Variants in PHF8 observed in about 807,000 individuals in gnomAD.
The protein encoded by PHF8 is PHD finger protein 8.
Under a neutral mutation model 74.4 loss-of-function variants are expected in PHF8, and 9 were observed. The ratio of observed to expected loss-of-function variants is 0.12; its 90% CI spans 0.07 to 0.21. The LOEUF is 0.21. Among genes scored for constraint, PHF8 ranks in the 10% least tolerant of loss-of-function variants. The pLI, the probability that PHF8 is intolerant of heterozygous loss-of-function variation, is 1.00. For synonymous variants in PHF8, 311 were observed against 316.6 expected (o/e 0.98, Z 0.19); for missense variants, 478 against 816.6 (o/e 0.59, Z 5.05).
intron 18 of PHF8, among the ~76,000 whole-genome samples, chrX:53,977,054 G>A (rs1046915062): frequency 9.8e-5 from 11 of 112,521 alleles, no homozygotes; most frequent in Non-Finnish European, 1.9e-5. Context: ...ATAAATCCAG[G>A]CTGGGTGTGG....
chrX:53,951,940 T>C (rs1386146650), intron 19 of PHF8, among the ~76,000 whole-genome samples: 1 of 111,341 alleles, frequency 9.0e-6, no homozygotes, highest in Non-Finnish European at 1.9e-5. Context: ...AATCAAGATA[T>C]TCCTAGATAA....
chrX:53,943,915 T>G (rs1034382091), intron 20 of PHF8, among the ~76,000 whole-genome samples: 1 of 112,122 alleles, frequency 8.9e-6, no homozygotes, highest in Admixed American at 9.5e-5. Context: ...TCTTTCATCC[T>G]GAATCATGTC....
intron 2 of PHF8, among the ~76,000 whole-genome samples, chrX:54,033,706 T>A (rs782322003): frequency 9.3e-6 from 1 of 107,975 alleles, no homozygotes; most frequent in Admixed American, 1.0e-4. Context: ...AGAGTGAAAC[T>A]CCATCTCAGA....
chrX:54,002,567 A>G (rs1557104424), intron 9 of PHF8, 28 bp downstream of exon 9: 1 of 1,007,256 alleles, frequency 9.9e-7, no homozygotes, highest in Non-Finnish European at 1.4e-6. Flanking sequence ...AATGGCCAAC[A>G]TAGAATCACC....
chrX:53,943,401 A>C (rs1557084136), intron 20 of PHF8: 5 of 1,009,399 alleles, frequency 5.0e-6, no homozygotes, highest in Non-Finnish European at 6.7e-6. Flanking sequence ...CATTTTCTTC[A>C]CCTATAAAAT....
At chrX:53,960,217 A>C (rs922876821) in intron 19 of PHF8, among the ~76,000 whole-genome samples, 4 of 107,368 alleles carry the variant, frequency 3.7e-5, no homozygotes, top group Non-Finnish European at 7.7e-5. Context: ...CTGGGACTAC[A>C]GGCGCCTGCC....
rs956152263 is a variant in PHF8, at chrX:54,043,808, A to G, written c.-139T>C. On this transcript the variant is annotated 5_prime_UTR_variant, in exon 1 of 22. Coordinates refer to ENST00000338154, the MANE Select transcript of PHF8 (RefSeq NM_015107.3). ...ACTGACAGGAACCTCCTCACGCCCCAAACCTGACAAGAACGTCTTCAGTCC... is the reference window on the plus strand; with the variant it reads ...ACTGACAGGAACCTCCTCACGCCCCGAACCTGACAAGAACGTCTTCAGTCC... 1.3e-5 allele frequency: 10 copies of G among 752,357 alleles called. No homozygotes were observed. The African/African-American group carries it at 2.3e-4, about 17-fold the overall frequency. 62.0% of individuals were successfully genotyped at this position (752,357 alleles called of 1,213,427 possible).
chrX:53,957,239 C>T (rs1471801498), intron 19 of PHF8, among the ~76,000 whole-genome samples: 3 of 109,735 alleles, frequency 2.7e-5, no homozygotes, highest in African/African-American at 9.9e-5. Flanking sequence ...GCCTGTAGTC[C>T]CAGCTACTCA....
At chrX:54,002,721 C>G (rs1557104475) in intron 8 of PHF8, 39 bp from the exon 9 acceptor site, 1 of 903,652 alleles carries the variant, frequency 1.1e-6, no homozygotes. Flanking sequence ...TGGAAGAGGG[C>G]CTTTCTTCCT....
intron 19 of PHF8, among the ~76,000 whole-genome samples, chrX:53,959,863 C>CA (rs782111007): frequency 0.096 from 2,059 of 21,469 alleles, 52 homozygotes; most frequent in Non-Finnish European, 0.11. Flanking sequence ...GTTTCTGCCT[C>CA]AAAAAAAAAA....
intron 18 of PHF8, among the ~76,000 whole-genome samples, chrX:53,977,424 G>A (rs1053825284): frequency 2.7e-5 from 3 of 112,002 alleles, no homozygotes; most frequent in Non-Finnish European, 5.6e-5. Flanking sequence ...TCTGTTTAAT[G>A]ACACTTCAAA....
At position 53,987,155 on chromosome X, in the gene PHF8, G is replaced by A. The variant is rs782204549; in HGVS notation, c.1918C>T (p.Arg640Trp). The A allele has an allele frequency of 1.0e-5, 12 of 1,178,937 alleles. No individual in the cohort carries two copies. Among genetic ancestry groups the A allele is most frequent in the Non-Finnish European group, 1.4e-5 (12 of 866,186 alleles). The change falls in exon 16 of 22, where the codon CGG (arginine) becomes TGG (tryptophan). Residue 640 changes from arginine to tryptophan, a missense_variant. Arg to Trp is a moderately radical substitution (Grantham distance 101, BLOSUM62 -3). Around this residue, in one of 9 missense-constraint regions of PHF8, gnomAD observed 45 missense variants for 94.4 expected, o/e 0.48. Transcript: ENST00000338154. ...CAAGGCTTCGCACGGGGCAATTTCC[G>A]GGGAAATTCTAGAAAACAATGGAAT... ...ATLIIRPKFP[R>W]KLPRAKPCSD...
intron 14 of PHF8, among the ~76,000 whole-genome samples, chrX:53,991,676 A>C (rs1256234672): frequency 2.7e-4 from 27 of 101,366 alleles, no homozygotes; most frequent in Non-Finnish European, 3.3e-4. Flanking sequence ...AAAAAAAAAA[A>C]AAAAAAAAAC....
At position 54,017,760 on chromosome X, in the gene PHF8, T is replaced by G; in HGVS notation, c.355A>C (p.Asn119His). ...ACCAGGATGGGCACACTGAAGCTATTTTCTTCCAGGAATTCCACGGTCAGT... is the reference window on the plus strand; with the variant it reads ...ACCAGGATGGGCACACTGAAGCTATGTTCTTCCAGGAATTCCACGGTCAGT... ...NQLTVEFLEE[N>H]SFSVPILVLK... is the part of the protein sequence containing the mutation. The change falls in exon 5 of 22, where the codon AAT (asparagine) becomes CAT (histidine). Residue 119 changes from asparagine (N) to histidine (H), a missense_variant. Coordinates refer to ENST00000338154, the MANE Select transcript of PHF8 (RefSeq NM_015107.3). 8.3e-7 allele frequency: 1 copy of G among 1,209,396 alleles called. No homozygotes were observed.
chrX:54,007,568 CTAAT>C (rs2065915262), intron 8 of PHF8, among the ~76,000 whole-genome samples: 1 of 111,455 alleles, frequency 9.0e-6, no homozygotes, highest in Non-Finnish European at 1.9e-5. Context: ...AAGAGACAAT[CTAAT>C]TAAAGAATGG....
At chrX:54,029,398 C>T (rs1453224093) in intron 2 of PHF8, among the ~76,000 whole-genome samples, 1 of 112,603 alleles carries the variant, frequency 8.9e-6, no homozygotes, top group Non-Finnish European at 1.9e-5. Flanking sequence ...GCTGAGCTCA[C>T]GTCTTTCCCC....
chrX:53,955,670 A>T (rs1286070306), intron 19 of PHF8, among the ~76,000 whole-genome samples: 1 of 105,933 alleles, frequency 9.4e-6, no homozygotes, highest in Non-Finnish European at 1.9e-5. Context: ...CTTATTCCTG[A>T]TCTTAATGGG....
chrX:53,960,128 T>C (rs1557090261), intron 19 of PHF8, among the ~76,000 whole-genome samples: 1 of 108,312 alleles, frequency 9.2e-6, no homozygotes. Context: ...CAGGCTGGAG[T>C]GTAGTGGCGC....
chrX:54,010,096 C>T (rs2065961562), intron 8 of PHF8, among the ~76,000 whole-genome samples: 1 of 109,379 alleles, frequency 9.1e-6, no homozygotes, highest in Non-Finnish European at 1.9e-5. Context: ...GGTGGATCAC[C>T]TGAGGTCAAG....
Sources: gnomAD v4.1 joint callset for allele counts (sites outside exome capture counted in the v4.1 genomes callset) on GRCh38, gnomAD v4.1.1 for gene constraint, gnomAD v4.1.1 regional missense constraint, MANE v1.5 for transcripts, NCBI Gene and HGNC (gene_info 2026-07-23, HGNC 2026-07-21) for gene names.